Variants in IPO11 observed in about 807,000 individuals in gnomAD.
IPO11 encodes importin 11.
A neutral mutation model predicts 143.2 loss-of-function variants in IPO11; 66 were observed. The observed-to-expected ratio is 0.46, with a 90% CI of 0.38 to 0.57. IPO11 has a LOEUF of 0.57. Among genes scored for constraint, IPO11 ranks in the 20% least tolerant of loss-of-function variants. The pLI is 0.00. For missense variants in IPO11, 1,026 were observed against 1,141.0 expected, an observed-to-expected ratio of 0.90 and a Z score of 1.45; for synonymous variants, 385 against 377.8, an observed-to-expected ratio of 1.02 and a Z score of -0.22.
At chr5:62,432,860 A>G (rs1005269257) in intron 1 of IPO11, among the ~76,000 whole-genome samples, 3 of 152,168 alleles carry the variant, frequency 2.0e-5, no homozygotes, top group Admixed American at 1.3e-4. Flanking sequence ...CTTAAGGTCA[A>G]GTTGTGTTGT....
chr5:62,442,787 C>G (rs1744537918), intron 2 of IPO11, among the ~76,000 whole-genome samples, 196 bp from the exon 3 acceptor site: 1 of 152,076 alleles, frequency 6.6e-6, no homozygotes, highest in African/African-American at 2.4e-5. Flanking sequence ...TCTCTTGAAC[C>G]TGGGAGGCGG....
chr5:62,429,076 A>T (rs1014307704), intron 1 of IPO11, among the ~76,000 whole-genome samples: 14 of 152,334 alleles, frequency 9.2e-5, no homozygotes, highest in Admixed American at 2.6e-4. Flanking sequence ...TATACAATTC[A>T]GTAGTTTTTA....
Position 62,435,136 on chromosome 5 carries a change from G to GTATGTATGTA in IPO11, c.-6-2135_-6-2134insGTATGTATAT, listed in dbSNP as rs1744149491. Among the ~76,000 whole-genome samples the GTATGTATGTA allele has an allele frequency of 4.2e-5, 4 of 95,900 alleles. 1 individual carries two copies. Among genetic ancestry groups the GTATGTATGTA allele is most frequent in the Admixed American group, 2.2e-4 (2 of 9,124 alleles). The allele number at this position is 95,900 out of a possible 152,430, so 62.9% of individuals were successfully genotyped here. A position where few individuals can be genotyped will look rare whatever the true frequency, so the allele number is the denominator to read the frequency against. On this transcript the variant is annotated intron_variant, in intron 1 of 29. Transcript: ENST00000325324. Reference sequence around the variant, plus strand: ...TATATATGTATATATGTATATATATGTATATATGTATATATGTATATATAT... The same window carrying GTATGTATGTA: ...TATATATGTATATATGTATATATATGTATGTATGTATATATATGTATATATGTATATATAT...
chr5:62,598,957 G>A (rs187511643), intron 28 of IPO11, among the ~76,000 whole-genome samples: 4 of 152,228 alleles, frequency 2.6e-5, no homozygotes, highest in East Asian at 1.9e-4. Context: ...AGTAGGAAGC[G>A]TTTTGGTGGT....
At chr5:62,503,564 A>G (rs1741434952) in intron 16 of IPO11, among the ~76,000 whole-genome samples, 1 of 152,022 alleles carries the variant, frequency 6.6e-6, no homozygotes, top group Non-Finnish European at 1.5e-5. Context: ...CTCATTGAAT[A>G]GTTTTTGATG....
At chr5:62,483,607 G>C (rs1181490397) in intron 10 of IPO11, among the ~76,000 whole-genome samples, 1 of 152,014 alleles carries the variant, frequency 6.6e-6, no homozygotes, top group Non-Finnish European at 1.5e-5. Flanking sequence ...AGCTTTCTCT[G>C]ACTTTATATA....
intron 29 of IPO11, among the ~76,000 whole-genome samples, chr5:62,605,349 T>G (rs919692364): frequency 6.6e-6 from 1 of 152,202 alleles, no homozygotes; most frequent in Admixed American, 6.5e-5. Flanking sequence ...GAATTCTCTA[T>G]ATTTTATTTC....
chr5:62,580,719 T>C, intron 27 of IPO11: 1 of 1,551,414 alleles, frequency 6.4e-7, no homozygotes, highest in Non-Finnish European at 8.7e-7. Flanking sequence ...ATCACAAGAC[T>C]ACTGCGCTAA....
chr5:62,586,596 A>T (rs1454455404), intron 27 of IPO11, among the ~76,000 whole-genome samples: 1 of 151,518 alleles, frequency 6.6e-6, no homozygotes, highest in African/African-American at 2.4e-5. Context: ...TACTAAAAAT[A>T]CAGAATTAGC....
chr5:62,446,332 A>G (rs1744719744), intron 3 of IPO11, among the ~76,000 whole-genome samples: 1 of 152,214 alleles, frequency 6.6e-6, no homozygotes, highest in East Asian at 1.9e-4. Context: ...TACTATTTAT[A>G]GTCACATGTG....
chr5:62,426,385 C>T (rs1743741054), intron 1 of IPO11, among the ~76,000 whole-genome samples: 1 of 151,382 alleles, frequency 6.6e-6, no homozygotes, highest in South Asian at 2.1e-4. Context: ...GAGACTCTGT[C>T]TCAAAACAGA....
In IPO11 at chr5:62,627,195, G is replaced by T. The variant is rs761882093; in HGVS notation, c.2805G>T (p.Gln935His). 2 of 1,614,124 alleles carry T rather than the reference G, an allele frequency of 1.2e-6. No homozygotes were observed. Among genetic ancestry groups the T allele is most frequent in the African/African-American group, 1.3e-5 (1 of 75,034 alleles). Reference sequence around the variant, plus strand: ...CTGTTCATACAGTGTCACTGCAGCAGTTCATCTACGAGAAGCTCAAGGCAC... The same window carrying T: ...CTGTTCATACAGTGTCACTGCAGCATTTCATCTACGAGAAGCTCAAGGCAC... ...KDPVHTVSLQ[Q>H]FIYEKLKAQQ... Residue 935 changes from glutamine to histidine, a missense_variant, in exon 30 of 30, where the codon CAG becomes CAT. Transcript: ENST00000325324.
At chr5:62,548,374 G>C (rs1321166671) in intron 24 of IPO11, among the ~76,000 whole-genome samples, 5 of 151,956 alleles carry the variant, frequency 3.3e-5, no homozygotes, top group Admixed American at 3.3e-4. Flanking sequence ...CCCACCTTGG[G>C]GCTCTTTCTT....
At chr5:62,621,056 G>A (rs1217875143) in intron 29 of IPO11, among the ~76,000 whole-genome samples, 4 of 152,190 alleles carry the variant, frequency 2.6e-5, no homozygotes, top group Admixed American at 1.3e-4. Flanking sequence ...TATCATTTCT[G>A]CTCACATTCC....
intron 16 of IPO11, among the ~76,000 whole-genome samples, chr5:62,498,626 C>T (rs772031963): frequency 9.2e-5 from 14 of 152,190 alleles, no homozygotes; most frequent in African/African-American, 1.4e-4. Context: ...CGGTGGCTCA[C>T]GCCTGTAATC....
intron 16 of IPO11, among the ~76,000 whole-genome samples, chr5:62,499,109 T>C (rs1741254277): frequency 6.6e-6 from 1 of 152,174 alleles, no homozygotes; most frequent in Admixed American, 6.5e-5. Context: ...CATAGACATA[T>C]AGTCATGTGC....
chr5:62,568,351 T>C (rs941379276), intron 27 of IPO11, among the ~76,000 whole-genome samples: 4 of 151,350 alleles, frequency 2.6e-5, no homozygotes, highest in African/African-American at 9.7e-5. Context: ...CTCTAATGCA[T>C]TTTTCAGTTT....
chr5:62,514,587 G>T (rs1442708997), intron 19 of IPO11, among the ~76,000 whole-genome samples: 1 of 135,516 alleles, frequency 7.4e-6, no homozygotes, highest in Non-Finnish European at 1.6e-5. Context: ...CCGTGGAAAG[G>T]AGAGGGAGAG....
At chr5:62,451,989 T>G in intron 5 of IPO11, 56 bp downstream of exon 5, 1 of 1,409,832 alleles carries the variant, frequency 7.1e-7, no homozygotes, top group South Asian at 1.2e-5. Flanking sequence ...CCGGGCGTGG[T>G]GGCTTATGCC....
Sources: allele counts gnomAD v4.1 joint callset (sites outside exome capture counted in the v4.1 genomes callset), GRCh38; gene constraint gnomAD v4.1.1; transcripts MANE v1.5; gene names NCBI Gene and HGNC (gene_info 2026-07-23, HGNC 2026-07-21).